Variants in MARCHF1 observed in about 807,000 individuals in gnomAD.
MARCHF1 encodes the protein E3 ubiquitin-protein ligase MARCHF1.
Under a neutral mutation model 54.2 loss-of-function variants are expected in MARCHF1, and 40 were observed. The observed-to-expected ratio is 0.74, with a 90% CI of 0.57 to 0.96. The LOEUF is 0.96. MARCHF1 is among the 40% of genes least tolerant of loss of function. The probability of loss-of-function intolerance (pLI) is 0.00; values close to 1 mark genes in which losing one functional copy is unlikely to be tolerated. For missense variants in MARCHF1, 586 were observed against 656.5 expected, an observed-to-expected ratio of 0.89 and a Z score of 1.17; for synonymous variants, 236 against 236.3, an observed-to-expected ratio of 1.00 and a Z score of 0.01.
chr4:163,563,436 C>T (rs1579066420), intron 8 of MARCHF1, among the ~76,000 whole-genome samples: 1 of 152,330 alleles, frequency 6.6e-6, no homozygotes, highest in Non-Finnish European at 1.5e-5. Context: ...CTCTCTGTAT[C>T]TCACTGGGAA....
intron 5 of MARCHF1, among the ~76,000 whole-genome samples, chr4:163,636,395 A>T (rs574326430): frequency 1.4e-5 from 2 of 144,822 alleles, no homozygotes; most frequent in East Asian, 2.0e-4. Context: ...ACTTCAGCAA[A>T]GTCTCAGGAT....
chr4:163,626,937 A>C (rs1191709002), intron 5 of MARCHF1, among the ~76,000 whole-genome samples: 2 of 152,062 alleles, frequency 1.3e-5, no homozygotes, highest in Non-Finnish European at 2.9e-5. Context: ...ACAAACCCAA[A>C]CCAAACCAAA....
At chr4:163,682,149 C>T (rs1164972352) in intron 5 of MARCHF1, among the ~76,000 whole-genome samples, 1 of 152,144 alleles carries the variant, frequency 6.6e-6, no homozygotes, top group Admixed American at 6.5e-5. Flanking sequence ...AAGAGACTGG[C>T]AGCATTTTGC....
chr4:164,365,329 C>T (rs1192355034), intron 1 of MARCHF1, among the ~76,000 whole-genome samples: 6 of 152,078 alleles, frequency 3.9e-5, no homozygotes, highest in African/African-American at 9.6e-5. Flanking sequence ...TACTTCCATT[C>T]GACTGTTTTA....
intron 2 of MARCHF1, among the ~76,000 whole-genome samples, chr4:164,101,163 C>T (rs1410724569): frequency 1.3e-5 from 2 of 152,186 alleles, no homozygotes; most frequent in Non-Finnish European, 2.9e-5. Flanking sequence ...GATCAAACTG[C>T]AAGGCAGCAG....
chr4:163,911,109 C>T (rs1421072654), intron 3 of MARCHF1, among the ~76,000 whole-genome samples: 1 of 151,968 alleles, frequency 6.6e-6, no homozygotes, highest in Non-Finnish European at 1.5e-5. Flanking sequence ...TCAGGGGGTA[C>T]ATATACAGGT....
At chr4:163,731,334 T>C (rs1038016751) in intron 4 of MARCHF1, among the ~76,000 whole-genome samples, 2 of 152,198 alleles carry the variant, frequency 1.3e-5, no homozygotes, top group Non-Finnish European at 2.9e-5. Flanking sequence ...CAGATTTATC[T>C]TCCCATATGG....
At chr4:164,341,514 G>A (rs945094434) in intron 1 of MARCHF1, among the ~76,000 whole-genome samples, 7 of 152,174 alleles carry the variant, frequency 4.6e-5, no homozygotes, top group African/African-American at 1.7e-4. Flanking sequence ...TATAAACTGG[G>A]TAGCTTAAAA....
chr4:163,809,169 G>GGTA (rs1476449107), intron 4 of MARCHF1, among the ~76,000 whole-genome samples: 7 of 152,050 alleles, frequency 4.6e-5, no homozygotes, highest in Non-Finnish European at 8.8e-5. Context: ...AAAATGCTTT[G>GGTA]GTATTGTTAA....
chr4:163,999,817 G>C (rs1424887221), intron 2 of MARCHF1, among the ~76,000 whole-genome samples: 1 of 151,390 alleles, frequency 6.6e-6, no homozygotes, highest in Non-Finnish European at 1.5e-5. Context: ...ATCTTCCTAG[G>C]CATGATTATT....
chr4:163,599,775 G>T (rs987251489), intron 7 of MARCHF1, among the ~76,000 whole-genome samples: 1 of 152,156 alleles, frequency 6.6e-6, no homozygotes, highest in African/African-American at 2.4e-5. Context: ...TAATTTGCAT[G>T]TTTAAAAACT....
chr4:163,555,943 A>G (rs1413587559), intron 8 of MARCHF1: 8 of 456,168 alleles, frequency 1.8e-5, no homozygotes, highest in Non-Finnish European at 3.5e-5. Flanking sequence ...TTTAGGAGAC[A>G]GTGCTCGTGT....
chr4:163,782,495 A>AC (rs1455311500), intron 4 of MARCHF1, among the ~76,000 whole-genome samples: 1 of 151,760 alleles, frequency 6.6e-6, no homozygotes, highest in African/African-American at 2.4e-5. Flanking sequence ...ATATAGTGAA[A>AC]CCCCGTCTCT....
chr4:164,005,106 T>A (rs1032118676), intron 2 of MARCHF1, among the ~76,000 whole-genome samples: 1 of 151,818 alleles, frequency 6.6e-6, no homozygotes, highest in East Asian at 1.9e-4. Context: ...CTGTTACCAA[T>A]AACAAAGATA....
intron 5 of MARCHF1, among the ~76,000 whole-genome samples, chr4:163,620,754 A>T (rs1335572764): frequency 6.6e-6 from 1 of 152,142 alleles, no homozygotes; most frequent in East Asian, 1.9e-4. Flanking sequence ...CTTTATTGCT[A>T]TCTGTTTGTG....
intron 9 of MARCHF1, among the ~76,000 whole-genome samples, chr4:163,540,443 C>G (rs1236846976): frequency 6.6e-6 from 1 of 152,060 alleles, no homozygotes; most frequent in African/African-American, 2.4e-5. Context: ...TTACTTTTGT[C>G]CTGGTTGCTT....
rs116052161 is a variant in MARCHF1, at chr4:163,562,925, G to A, written c.1192-17182C>T. Among the ~76,000 whole-genome samples the A allele has an allele frequency of 3.5e-3, 532 of 152,224 alleles. 2 individuals carry two copies. The highest frequency in any genetic ancestry group is 0.012 in the African/African-American group (510 of 41,524). On this transcript the variant is annotated intron_variant, in intron 8 of 9. Coordinates refer to ENST00000514618, the MANE Select transcript of MARCHF1 (RefSeq NM_001394959.1). The stretch of plus-strand genomic sequence containing the variant: ...TGGCAGTAACTAAACTTTAGCTCAG[G>A]AACTAAACCCTGCCAAGTGCTTTTA...
At chr4:164,071,374 A>G (rs1230726759) in intron 2 of MARCHF1, among the ~76,000 whole-genome samples, 2 of 152,148 alleles carry the variant, frequency 1.3e-5, no homozygotes, top group Non-Finnish European at 2.9e-5. Context: ...GGATTATAAT[A>G]GATTTCACCA....
At chr4:164,102,968 G>C (rs959426661) in intron 2 of MARCHF1, among the ~76,000 whole-genome samples, 7 of 129,860 alleles carry the variant, frequency 5.4e-5, no homozygotes, top group Admixed American at 8.0e-5. Context: ...TGCAAACCTA[G>C]TCTCTGATAA....
Sources: gnomAD v4.1 joint callset for allele counts (sites outside exome capture counted in the v4.1 genomes callset) on GRCh38, gnomAD v4.1.1 for gene constraint, MANE v1.5 for transcripts, NCBI Gene and HGNC (gene_info 2026-07-23, HGNC 2026-07-21) for gene names.